Variants in CDK5RAP2 observed in about 807,000 individuals in gnomAD.
The protein encoded by CDK5RAP2 is CDK5 regulatory subunit-associated protein 2.
In CDK5RAP2, 147 loss-of-function variants were observed where a neutral mutation model predicts 232.9. That is an observed-to-expected ratio of 0.63 (90% CI 0.55 to 0.72). The LOEUF (loss-of-function observed/expected upper bound fraction) is 0.72. CDK5RAP2 is among the 30% of genes least tolerant of loss of function. The pLI is 0.00. For missense variants in CDK5RAP2, 2,195 were observed against 2,231.5 expected (o/e 0.98, Z 0.33); for synonymous variants, 833 against 833.7 (o/e 1.00, Z 0.01).
At chr9:120,532,843 C>T (rs752941281) in intron 7 of CDK5RAP2, among the ~76,000 whole-genome samples, 2 of 152,144 alleles carry the variant, frequency 1.3e-5, no homozygotes, top group Non-Finnish European at 2.9e-5. Flanking sequence ...AGCTCTGATC[C>T]GACATCCATG....
intron 10 of CDK5RAP2, among the ~76,000 whole-genome samples, chr9:120,526,137 T>C (rs992068133): frequency 2.0e-5 from 3 of 152,226 alleles, no homozygotes; most frequent in Non-Finnish European, 4.4e-5. Flanking sequence ...CTTAGATAAG[T>C]AGGTCAACTC....
At chr9:120,545,631 G>T in intron 5 of CDK5RAP2, 83 bp downstream of exon 5, 1 of 1,030,744 alleles carries the variant, frequency 9.7e-7, no homozygotes, top group Non-Finnish European at 1.5e-6. Flanking sequence ...GAAACCAACT[G>T]TCTTAGAAAA....
At chr9:120,541,100 C>T (rs2041613579) in intron 5 of CDK5RAP2, among the ~76,000 whole-genome samples, 1 of 152,196 alleles carries the variant, frequency 6.6e-6, no homozygotes, top group South Asian at 2.1e-4. Context: ...CCTTCCCGAG[C>T]CTTGGCTACA....
chr9:120,438,117 A>G (rs544639897), intron 24 of CDK5RAP2, among the ~76,000 whole-genome samples: 6 of 152,354 alleles, frequency 3.9e-5, no homozygotes, highest in African/African-American at 1.4e-4. Context: ...ATTAAGTGGT[A>G]AAGATTTTGG....
At chr9:120,579,547 A>G (rs1354599600) in intron 1 of CDK5RAP2, among the ~76,000 whole-genome samples, 4 of 152,194 alleles carry the variant, frequency 2.6e-5, no homozygotes, top group African/African-American at 7.2e-5. Context: ...CTCCATAATG[A>G]AAACAAACTC....
In CDK5RAP2 at chr9:120,477,402, TCTTTAAG is replaced by T. The variant is rs775170271; in HGVS notation, c.1668_1674del (p.Leu557LysfsTer26). ...AGATGGGTATAGATGTCCTGCTCTT[TCTTTAAG>T]ACCTGAATCAGCTCTTCATAGTCTG... On this transcript the variant is annotated frameshift_variant, in exon 15 of 38. Transcript: ENST00000349780. LOFTEE classifies it high-confidence loss of function. 20 of 1,613,954 alleles carry T rather than the reference TCTTTAAG, an allele frequency of 1.2e-5. No homozygotes were observed. Among genetic ancestry groups the T allele is most frequent in the Non-Finnish European group, 1.7e-5 (20 of 1,180,006 alleles).
intron 12 of CDK5RAP2, among the ~76,000 whole-genome samples, chr9:120,498,314 G>C (rs998287597): frequency 1.3e-5 from 2 of 152,096 alleles, no homozygotes; most frequent in African/African-American, 4.8e-5. Flanking sequence ...CCCACGACCT[G>C]GTGTTGGGTC....
chr9:120,529,777 T>G (rs1421210020), intron 8 of CDK5RAP2, among the ~76,000 whole-genome samples: 1 of 152,122 alleles, frequency 6.6e-6, no homozygotes, highest in Admixed American at 6.5e-5. Flanking sequence ...AAGCAACTCT[T>G]TATAGGAACA....
intron 1 of CDK5RAP2, among the ~76,000 whole-genome samples, chr9:120,576,547 T>C (rs182056233): frequency 2.0e-5 from 3 of 151,864 alleles, no homozygotes; most frequent in South Asian, 4.2e-4. Context: ...ACTAAAAATA[T>C]AAAAATTAGC....
intron 20 of CDK5RAP2, among the ~76,000 whole-genome samples, chr9:120,456,842 T>C (rs944531491): frequency 2.0e-5 from 3 of 152,168 alleles, no homozygotes; most frequent in African/African-American, 7.2e-5. Flanking sequence ...AAAGAGGCCA[T>C]TATAATATAC....
In CDK5RAP2 at chr9:120,415,083, C is replaced by T; in HGVS notation, c.4254G>A (p.Lys1418=). 1.9e-6 allele frequency: 3 copies of T among 1,614,162 alleles called. No homozygotes were observed. Among genetic ancestry groups the T allele is most frequent in the Admixed American group, 1.7e-5 (1 of 60,030 alleles). Residue 1418 remains lysine (K), a synonymous_variant, in exon 28 of 38, where the codon AAG becomes AAA. Transcript: ENST00000349780. ...CTTGCCGTTCCAACTGTTTCCGTAGCTTCTCATTTGTTTTAATAGATTCTT... is the reference window on the plus strand; with the variant it reads ...CTTGCCGTTCCAACTGTTTCCGTAGTTTCTCATTTGTTTTAATAGATTCTT... ...RLEESIKTNE[K]LRKQLERQGS... is the part of the protein sequence containing the mutation.
intron 18 of CDK5RAP2, among the ~76,000 whole-genome samples, chr9:120,466,585 C>T (rs2037391729): frequency 6.6e-6 from 1 of 152,028 alleles, no homozygotes; most frequent in African/African-American, 2.4e-5. Context: ...ACAAAACACA[C>T]CATTTGTGTC....
At position 120,460,450 on chromosome 9, in the gene CDK5RAP2, A is replaced by T. The variant is rs188225498; in HGVS notation, c.2202+122T>A. On this transcript the variant is annotated intron_variant, in intron 19 of 37. Transcript: ENST00000349780. ...CCTAGTCTTTGCTTTCCACTGGCAC[A>T]TGAAAGGTACAGGATATAGGCAGAA... is the stretch of plus-strand genomic sequence containing the variant. 6.7e-6 allele frequency: 6 copies of T among 890,310 alleles called. No homozygotes were observed. The East Asian group carries it at 1.3e-4, about 19-fold the overall frequency. The allele number at this position is 890,310 out of a possible 1,614,324, so 55.2% of individuals were successfully genotyped here.
rs547520946 is a variant in CDK5RAP2 at position 120,388,983 on chromosome 9, C to G, written c.*253G>C. 1.0e-5 allele frequency: 6 copies of G among 578,874 alleles called. No individual in the cohort carries two copies. The highest frequency in any genetic ancestry group is 7.5e-5 in the African/African-American group (4 of 53,552). The allele number at this position is 578,874 out of a possible 1,614,324, so 35.9% of individuals were successfully genotyped here. ...CCCACCAAGGCGCACAGCCTCAACT[C>G]CGGTGCCTGCCCCTGATCTGAAATA... On this transcript the variant is annotated 3_prime_UTR_variant, in exon 38 of 38. Coordinates refer to ENST00000349780, the MANE Select transcript of CDK5RAP2 (RefSeq NM_018249.6).
rs141004029 is a variant in CDK5RAP2 at position 120,402,961 on chromosome 9, G to C, written c.5152C>G (p.Leu1718Val). ...TGGCGGCCATTCTTGCTGGCCCACAGGTGGTGGCCAGTGACCAGGCGGGAC... is the reference window on the plus strand; with the variant it reads ...TGGCGGCCATTCTTGCTGGCCCACACGTGGTGGCCAGTGACCAGGCGGGAC... ...CVSRLVTGHH[L>V]WASKNGRHVL... Residue 1718 changes from leucine (L) to valine (V), a missense_variant, in exon 34 of 38, where the codon CTG becomes GTG. Physicochemically the swap from Leu to Val is conservative, Grantham distance 32 (BLOSUM62 1). Transcript: ENST00000349780. The C allele has an allele frequency of 8.9e-4, 1,430 of 1,614,200 alleles. 4 individuals carry two copies. The highest frequency in any genetic ancestry group is 2.0e-3 in the Middle Eastern group (12 of 6,062).
At chr9:120,523,851 T>C (rs2040778852) in intron 11 of CDK5RAP2, among the ~76,000 whole-genome samples, 1 of 151,936 alleles carries the variant, frequency 6.6e-6, no homozygotes, top group Non-Finnish European at 1.5e-5. Flanking sequence ...AACACGAAAT[T>C]AAAATGAGGA....
At chr9:120,565,077 A>G (rs2042600671) in intron 3 of CDK5RAP2, among the ~76,000 whole-genome samples, 1 of 152,208 alleles carries the variant, frequency 6.6e-6, no homozygotes, top group Non-Finnish European at 1.5e-5. Context: ...AAAAGAAGAC[A>G]TGTGGTTTTC....
intron 14 of CDK5RAP2, among the ~76,000 whole-genome samples, chr9:120,482,484 C>T (rs2038375768): frequency 6.6e-6 from 1 of 152,202 alleles, no homozygotes; most frequent in Admixed American, 6.5e-5. Flanking sequence ...ATGCCTATCC[C>T]CTGAGACCCA....
intron 3 of CDK5RAP2, among the ~76,000 whole-genome samples, chr9:120,559,015 A>G (rs947476042): frequency 3.3e-5 from 5 of 152,238 alleles, no homozygotes; most frequent in African/African-American, 4.8e-5. Flanking sequence ...AAATTAATGA[A>G]TAAATACAAT....
Sources: allele counts gnomAD v4.1 joint callset (sites outside exome capture counted in the v4.1 genomes callset), GRCh38; gene constraint gnomAD v4.1.1; transcripts MANE v1.5; gene names NCBI Gene and HGNC (gene_info 2026-07-23, HGNC 2026-07-21).